The following ABCA8 variants were observed in gnomAD, a reference collection of about 807,000 sequenced individuals.
ABCA8 encodes the protein ABC-type organic anion transporter ABCA8.
In ABCA8, 177 loss-of-function variants were observed where a neutral mutation model predicts 192.3. That is an observed-to-expected ratio of 0.92 (90% CI 0.81 to 1.04). ABCA8 has a LOEUF of 1.04. Among genes scored for constraint, ABCA8 ranks in the 50% least tolerant of loss-of-function variants. The pLI, the probability that ABCA8 is intolerant of heterozygous loss-of-function variation, is 0.00. For synonymous variants in ABCA8, 642 were observed against 690.2 expected, an observed-to-expected ratio of 0.93 and a Z score of 1.09; for missense variants, 1,915 against 1,904.8, an observed-to-expected ratio of 1.01 and a Z score of -0.10.
intron 6 of ABCA8, 111 bp downstream of exon 6, chr17:68,933,057 A>G: frequency 1.3e-6 from 1 of 770,118 alleles, no homozygotes; most frequent in Non-Finnish European, 2.2e-6. Flanking sequence ...CAGAGTGAGC[A>G]AAGGAAATAA....
intron 37 of ABCA8, among the ~76,000 whole-genome samples, chr17:68,873,598 G>A (rs1409919903): frequency 6.6e-6 from 1 of 152,000 alleles, no homozygotes; most frequent in Non-Finnish European, 1.5e-5. Flanking sequence ...CTATGCTTTT[G>A]TTGTCATATC....
At chr17:68,930,322 T>C (rs934805923) in intron 7 of ABCA8, among the ~76,000 whole-genome samples, 1 of 152,210 alleles carries the variant, frequency 6.6e-6, no homozygotes, top group Non-Finnish European at 1.5e-5. Context: ...GCTGTTGTCA[T>C]CTTTCTCTGG....
At chr17:68,942,770 G>A (rs1263044571) in intron 2 of ABCA8, among the ~76,000 whole-genome samples, 1 of 151,956 alleles carries the variant, frequency 6.6e-6, no homozygotes. Context: ...TTCTCCCTCA[G>A]CCCTAGGAAG....
chr17:68,932,974 G>A (rs2067948597), intron 6 of ABCA8, among the ~76,000 whole-genome samples, 194 bp downstream of exon 6: 1 of 152,164 alleles, frequency 6.6e-6, no homozygotes, highest in South Asian at 2.1e-4. Flanking sequence ...CAACAAAGTT[G>A]AGTCCATGAA....
intron 21 of ABCA8, among the ~76,000 whole-genome samples, chr17:68,897,771 T>C (rs1380974840): frequency 2.0e-5 from 3 of 152,064 alleles, no homozygotes; most frequent in Non-Finnish European, 4.4e-5. Flanking sequence ...CAGAAAGAAT[T>C]AGCAGACCTG....
At chr17:68,879,682 C>T (rs1226558046) in intron 32 of ABCA8, 1 of 152,362 alleles carries the variant, frequency 6.6e-6, no homozygotes, top group African/African-American at 2.4e-5. Flanking sequence ...TTGGAGCATC[C>T]TTTACTGAAT....
At position 68,919,330 on chromosome 17, in the gene ABCA8, CTTTTA is replaced by C; in HGVS notation, c.1754_1758del (p.Ile585ArgfsTer9). The C allele has an allele frequency of 6.2e-7, 1 of 1,612,364 alleles. No individual in the cohort carries two copies. Among genetic ancestry groups the C allele is most frequent in the Non-Finnish European group, 8.5e-7 (1 of 1,179,230 alleles). ...TTATCCACTTCTTGTGGCAGAATCC[CTTTTA>C]TTTTAGCAAAGAGTCTGAGGTTTTC... On this transcript the variant is annotated frameshift_variant, in exon 14 of 40. Coordinates refer to ENST00000586539, the MANE Select transcript of ABCA8 (RefSeq NM_001288985.2). LOFTEE classifies it high-confidence loss of function.
In ABCA8 at chr17:68,937,053, C is replaced by T. The variant is rs779955351; in HGVS notation, c.364G>A (p.Glu122Lys). 1.4e-5 allele frequency: 23 copies of T among 1,610,594 alleles called. No individual in the cohort carries two copies. The highest frequency in any genetic ancestry group is 3.4e-5 in the Admixed American group (2 of 59,382). ...GTAAAGGTGACTCTTACTATTTCTT[C>T]AGGATAATTTGCTGTGAATTCTTTA... ...SIKEFTANYP[E>K]EIVRVTFTNT... The change falls in exon 5 of 40, where the codon GAA (glutamate) becomes AAA (lysine). Residue 122 changes from glutamate to lysine, a missense_variant. Glu to Lys is a moderately conservative substitution (Grantham distance 56). Transcript: ENST00000586539.
rs2068681895 is a variant in ABCA8 at position 68,955,204 on chromosome 17, A to C, written c.-167+15T>G. ...CAAAATACAAAACAAAACAGAAAAA[A>C]TACAGTGAACTTACTTCTGGGAAAA... On this transcript the variant is annotated intron_variant, in intron 1 of 39. Coordinates refer to ENST00000586539, the MANE Select transcript of ABCA8 (RefSeq NM_001288985.2). 1 of 152,242 alleles carries C rather than the reference A, an allele frequency of 6.6e-6. No individual in the cohort carries two copies. The highest frequency in any genetic ancestry group is 1.5e-5 in the Non-Finnish European group (1 of 68,046). 9.4% of individuals were successfully genotyped at this position (152,242 alleles called of 1,614,324 possible).
intron 17 of ABCA8, 38 bp from the exon 18 acceptor site, chr17:68,907,917 C>T (rs375594866): frequency 1.5e-4 from 226 of 1,526,336 alleles, no homozygotes; most frequent in South Asian, 2.2e-4. Flanking sequence ...ATATGTTACT[C>T]GACATAGTCT....
rs778043073 is a variant in ABCA8 at position 68,875,260 on chromosome 17, C to T, written c.4631G>A (p.Arg1544Lys). The change falls in exon 37 of 40, where the codon AGG becomes AAG. Residue 1544 changes from arginine (R) to lysine (K), a missense_variant and splice_region_variant. By Grantham distance (26) the Arg-to-Lys change is conservative. Coordinates refer to ENST00000586539, the MANE Select transcript of ABCA8 (RefSeq NM_001288985.2). The part of the protein sequence containing the change: ...RLFPQAARQE[R>K]YSSLMVYKLP... ...TTTCCAAAACAGCAACCATGTTTAC[C>T]TTTCCTGCCGAGCAGCCTGGGGGAA... 1.9e-6 allele frequency: 3 copies of T among 1,613,434 alleles called. No individual in the cohort carries two copies. The South Asian group carries it at 3.3e-5, about 18-fold the overall frequency.
Position 68,940,761 on chromosome 17 carries a change from C to T in ABCA8, c.298G>A (p.Ala100Thr), listed in dbSNP as rs1317722479. Residue 100 changes from alanine (A) to threonine (T), a missense_variant, in exon 4 of 40, where the codon GCA (alanine) becomes ACA (threonine). Transcript: ENST00000586539. ...CTTAAGTAACTAGAAAACTTACCTG[C>T]CAGGAAGGGAGTAGAGGCTACTTTA... is the stretch of plus-strand genomic sequence containing the variant. ...MNKVASTPFL[A>T]GKEVLGLPDE... 1 of 1,612,280 alleles carries T rather than the reference C, an allele frequency of 6.2e-7. No individual in the cohort carries two copies. Among genetic ancestry groups the T allele is most frequent in the Non-Finnish European group, 8.5e-7 (1 of 1,178,632 alleles).
rs778446566 is a variant in ABCA8, at chr17:68,875,703, C to T, written c.4401G>A (p.Thr1467=). The change falls in exon 36 of 40, where the codon ACG becomes ACA. Residue 1467 remains threonine (T), a synonymous_variant. Coordinates refer to ENST00000586539, the MANE Select transcript of ABCA8 (RefSeq NM_001288985.2). The part of the protein sequence containing the change: ...WQAIRATFRN[T]ERGALLTTHY... The stretch of plus-strand genomic sequence containing the variant: ...GGGTGGTTAGGAGGGCACCCCTTTC[C>T]GTGTTTCTAAAGGTGGCCCGGATGG... 2.4e-5 allele frequency: 38 copies of T among 1,614,130 alleles called. No individual in the cohort carries two copies. Among genetic ancestry groups the T allele is most frequent in the South Asian group, 6.6e-5 (6 of 91,066 alleles).
At position 68,887,955 on chromosome 17, in the gene ABCA8, GATAT is replaced by G. The variant is rs201074109; in HGVS notation, c.3145-453_3145-450del. Among the ~76,000 whole-genome samples, 363 of 100,866 alleles carry G rather than the reference GATAT, an allele frequency of 3.6e-3. 17 individuals carry two copies. The highest frequency in any genetic ancestry group is 0.015 in the African/African-American group (350 of 22,824). The allele number at this position is 100,866 out of a possible 152,430, so 66.2% of individuals were successfully genotyped here. A position where few individuals can be genotyped will look rare whatever the true frequency, so the allele number is the denominator to read the frequency against. On this transcript the variant is annotated intron_variant, in intron 24 of 39. Transcript: ENST00000586539. ...TATGGATATATATATTATATATATG[GATAT>G]ATATACACACACATATATATGGATA...
rs2066496432 is a variant in ABCA8 at position 68,887,509 on chromosome 17, A to G, written c.3145-3T>C. On this transcript the variant is annotated splice_region_variant and splice_polypyrimidine_tract_variant and intron_variant, in intron 24 of 39. Coordinates refer to ENST00000586539, the MANE Select transcript of ABCA8 (RefSeq NM_001288985.2). Reference sequence around the variant, plus strand: ...CGTAGCTGGGACCGAGCTCTGTTCTAATTAGGAGACAGCAAAGATACAAAG... The same window carrying G: ...CGTAGCTGGGACCGAGCTCTGTTCTGATTAGGAGACAGCAAAGATACAAAG... 2 of 1,592,038 alleles carry G rather than the reference A, an allele frequency of 1.3e-6. No homozygotes were observed. Among genetic ancestry groups the G allele is most frequent in the East Asian group, 2.2e-5 (1 of 44,704 alleles).
chr17:68,910,546 G>C (rs1052090875), intron 17 of ABCA8, among the ~76,000 whole-genome samples: 1 of 152,164 alleles, frequency 6.6e-6, no homozygotes, highest in East Asian at 1.9e-4. Flanking sequence ...TCCTGATGCT[G>C]TTCTGGGCTC....
In ABCA8 at chr17:68,907,708, A is replaced by G. The variant is rs368220173; in HGVS notation, c.2278+32T>C. 1.4e-4 allele frequency: 210 copies of G among 1,526,898 alleles called. No individual in the cohort carries two copies. The African/African-American group carries it at 2.6e-3, about 19-fold the overall frequency. 94.6% of individuals were successfully genotyped at this position (1,526,898 alleles called of 1,614,324 possible). ...TATGATGATGATGACTATTATTCAC[A>G]TATTTTATTTCACAGTGTTCATGCA... On this transcript the variant is annotated intron_variant, in intron 18 of 39. Coordinates refer to ENST00000586539, the MANE Select transcript of ABCA8 (RefSeq NM_001288985.2).
At chr17:68,872,223 C>G (rs372431002) in intron 37 of ABCA8, among the ~76,000 whole-genome samples, 2 of 151,902 alleles carry the variant, frequency 1.3e-5, no homozygotes. Context: ...AAATGTGGCA[C>G]ATATACACCA....
chr17:68,954,910 A>C (rs1487667537), intron 1 of ABCA8, among the ~76,000 whole-genome samples: 1 of 152,192 alleles, frequency 6.6e-6, no homozygotes, highest in African/African-American at 2.4e-5. Context: ...AGCTCTTCAC[A>C]AAAAATTTTT....
Sources: gnomAD v4.1 joint callset for allele counts (sites outside exome capture counted in the v4.1 genomes callset) on GRCh38, gnomAD v4.1.1 for gene constraint, MANE v1.5 for transcripts, NCBI Gene and HGNC (gene_info 2026-07-23, HGNC 2026-07-21) for gene names.